The following KAZN variants were observed in gnomAD, a reference collection of about 807,000 sequenced individuals.
The protein encoded by KAZN is kazrin.
In KAZN, 40 loss-of-function variants were observed where a neutral mutation model predicts 87.4. The observed-to-expected ratio is 0.46, with a 90% CI of 0.36 to 0.60. The LOEUF (loss-of-function observed/expected upper bound fraction) is 0.60. KAZN is among the 20% of genes least tolerant of loss of function. KAZN has a pLI of 0.00. For synonymous variants in KAZN, 466 were observed against 458.3 expected (o/e 1.02, Z -0.22); for missense variants, 898 against 1,073.9 (o/e 0.84, Z 2.29).
At chr1:15,048,734 G>GT (rs1377269350) in intron 4 of KAZN, among the ~76,000 whole-genome samples, 1 of 148,250 alleles carries the variant, frequency 6.7e-6, no homozygotes, top group African/African-American at 2.5e-5. Flanking sequence ...TTGGTCATGG[G>GT]TCGTCGATCC....
intron 2 of KAZN, among the ~76,000 whole-genome samples, chr1:14,421,552 G>C (rs938123768): frequency 2.6e-5 from 4 of 152,132 alleles, no homozygotes; most frequent in African/African-American, 9.7e-5. Context: ...GGCAAACTGT[G>C]ATTCTGAGAC....
chr1:14,384,484 C>T (rs1429592977), intron 2 of KAZN, among the ~76,000 whole-genome samples: 3 of 152,088 alleles, frequency 2.0e-5, no homozygotes, highest in Middle Eastern at 3.2e-3. Context: ...TTTTGAAATA[C>T]GTCCCATCAA....
chr1:14,124,242 G>A (rs1279565771), intron 1 of KAZN: 1 of 152,186 alleles, frequency 6.6e-6, no homozygotes, highest in African/African-American at 2.4e-5. Context: ...GCAAAACATG[G>A]GACGCTTCAC....
At chr1:14,211,247 G>A (rs1646847005) in intron 2 of KAZN, among the ~76,000 whole-genome samples, 1 of 152,102 alleles carries the variant, frequency 6.6e-6, no homozygotes, top group Non-Finnish European at 1.5e-5. Context: ...TTGAGATGTA[G>A]TCTTGCTCTG....
At chr1:14,304,888 C>T (rs1654810339) in intron 2 of KAZN, among the ~76,000 whole-genome samples, 1 of 151,770 alleles carries the variant, frequency 6.6e-6, no homozygotes. Context: ...CGTCTTTCAT[C>T]AGAACATTCT....
chr1:14,934,501 G>A (rs571483774), intron 1 of KAZN, among the ~76,000 whole-genome samples: 2 of 152,280 alleles, frequency 1.3e-5, no homozygotes, highest in South Asian at 4.2e-4. Context: ...CACTGCGCCC[G>A]GCCCTCCTTT....
intron 1 of KAZN, among the ~76,000 whole-genome samples, chr1:14,857,092 C>T (rs1182509097): frequency 6.6e-6 from 1 of 152,154 alleles, no homozygotes; most frequent in Non-Finnish European, 1.5e-5. Context: ...CCTTTGGACT[C>T]GGCGTCAGGT....
At chr1:14,518,736 C>G (rs1318895103) in intron 2 of KAZN, among the ~76,000 whole-genome samples, 1 of 152,204 alleles carries the variant, frequency 6.6e-6, no homozygotes, top group African/African-American at 2.4e-5. Flanking sequence ...CATCAAGCCT[C>G]CATTTTCTCA....
Position 14,927,114 on chromosome 1 carries a change from G to C in KAZN, c.227-33570G>C, listed in dbSNP as rs79114988. 4.0e-3 allele frequency among the ~76,000 whole-genome samples: 603 copies of C among 152,308 alleles called. 4 individuals carry two copies. Among genetic ancestry groups the C allele is most frequent in the African/African-American group, 0.014 (574 of 41,558 alleles). ...TTCTGCCTCGATTGCGTTTTACTCTGAGATGTTCCACAACTCACTTTCCCT... is the reference window on the plus strand; with the variant it reads ...TTCTGCCTCGATTGCGTTTTACTCTCAGATGTTCCACAACTCACTTTCCCT... On this transcript the variant is annotated intron_variant, in intron 1 of 14. Transcript: ENST00000376030.
intron 1 of KAZN, among the ~76,000 whole-genome samples, chr1:14,072,285 T>C (rs1163581869): frequency 6.6e-6 from 1 of 152,230 alleles, no homozygotes; most frequent in Non-Finnish European, 1.5e-5. Context: ...AGTTTTGTGT[T>C]GTGTTTTTGC....
At chr1:14,883,354 GAAAAGAAAGAAA>G (rs1348209523) in intron 1 of KAZN, among the ~76,000 whole-genome samples, 3 of 16,204 alleles carry the variant, frequency 1.9e-4, no homozygotes, top group Non-Finnish European at 3.6e-4. Flanking sequence ...AAGAAAGAAA[GAAAAGAAAGAAA>G]GAAAGAAAGA....
intron 2 of KAZN, among the ~76,000 whole-genome samples, chr1:14,420,746 GT>G (rs1420919153): frequency 6.6e-6 from 1 of 152,158 alleles, no homozygotes; most frequent in African/African-American, 2.4e-5. Flanking sequence ...GTTGGCCCAG[GT>G]GCTAAGCCCC....
At chr1:14,972,910 G>A (rs1489312964) in intron 2 of KAZN, among the ~76,000 whole-genome samples, 1 of 152,102 alleles carries the variant, frequency 6.6e-6, no homozygotes, top group Non-Finnish European at 1.5e-5. Flanking sequence ...GAGAGGGGGT[G>A]TGGGGAACAG....
At chr1:14,627,779 G>A (rs1418604165) in intron 1 of KAZN, among the ~76,000 whole-genome samples, 1 of 152,202 alleles carries the variant, frequency 6.6e-6, no homozygotes, top group African/African-American at 2.4e-5. Context: ...AACCAGCTAA[G>A]TTTAGAGAAG....
intron 1 of KAZN, among the ~76,000 whole-genome samples, chr1:14,164,694 C>G (rs1037725734): frequency 2.6e-5 from 4 of 152,050 alleles, no homozygotes; most frequent in African/African-American, 9.7e-5. Flanking sequence ...GCATGCACCA[C>G]CACGCCTGGC....
chr1:14,765,102 T>C (rs1296199589), intron 1 of KAZN, among the ~76,000 whole-genome samples: 1 of 152,224 alleles, frequency 6.6e-6, no homozygotes, highest in African/African-American at 2.4e-5. Context: ...CGCAGCACTG[T>C]TGGTGTTTGG....
chr1:14,406,753 A>G (rs940344980), intron 2 of KAZN, among the ~76,000 whole-genome samples: 1 of 152,240 alleles, frequency 6.6e-6, no homozygotes, highest in Non-Finnish European at 1.5e-5. Flanking sequence ...ACCTTCTCAG[A>G]AACAGCCAGA....
intron 1 of KAZN, among the ~76,000 whole-genome samples, chr1:14,651,327 T>C (rs911704506): frequency 6.6e-6 from 1 of 152,064 alleles, no homozygotes; most frequent in African/African-American, 2.4e-5. Context: ...GATGGAGGGG[T>C]GAGTGGGGGA....
At chr1:14,591,418 AACACAC>A (rs36060158) in intron 2 of KAZN, among the ~76,000 whole-genome samples, 29 of 147,386 alleles carry the variant, frequency 2.0e-4, no homozygotes, top group South Asian at 6.6e-4. Context: ...GGAAAGAAGA[AACACAC>A]ACACACACAC....
Sources: gnomAD v4.1 joint callset for allele counts (sites outside exome capture counted in the v4.1 genomes callset) on GRCh38, gnomAD v4.1.1 for gene constraint, MANE v1.5 for transcripts, NCBI Gene and HGNC (gene_info 2026-07-23, HGNC 2026-07-21) for gene names.